CPE: variants seen among roughly 807,000 people sequenced by gnomAD.
CPE encodes the protein carbocypeptidase E.
CPE carries 17 observed loss-of-function variants against 53.5 expected under a neutral mutation model. The observed-to-expected ratio is 0.32, with a 90% CI of 0.22 to 0.48. The LOEUF (loss-of-function observed/expected upper bound fraction) is 0.48, where lower values mean the gene tolerates loss of function less well. Ranked by LOEUF, CPE falls within the 20% of genes least tolerant of loss-of-function variation. CPE has a pLI of 0.99. For missense variants in CPE, 524 were observed against 614.7 expected (o/e 0.85, Z 1.56); for synonymous variants, 226 against 228.8 (o/e 0.99, Z 0.11).
intron 1 of CPE, among the ~76,000 whole-genome samples, chr4:165,393,715 T>C (rs1730719475): frequency 6.6e-6 from 1 of 152,186 alleles, no homozygotes; most frequent in Non-Finnish European, 1.5e-5. Flanking sequence ...TGAACTGAAG[T>C]CTGTGAGGGC....
intron 1 of CPE, among the ~76,000 whole-genome samples, chr4:165,463,477 G>A (rs1732043695): frequency 6.6e-6 from 1 of 152,118 alleles, no homozygotes; most frequent in Admixed American, 6.5e-5. Flanking sequence ...ACAGAGAACT[G>A]AAGTAACTTG....
chr4:165,402,835 C>A (rs533884634), intron 1 of CPE, among the ~76,000 whole-genome samples: 8 of 152,142 alleles, frequency 5.3e-5, no homozygotes, highest in Non-Finnish European at 1.2e-4. Context: ...AAAAGACTTA[C>A]TCTCCCCCGA....
intron 8 of CPE, among the ~76,000 whole-genome samples, chr4:165,496,145 G>A (rs1732702537): frequency 6.6e-6 from 1 of 152,116 alleles, no homozygotes; most frequent in Admixed American, 6.5e-5. Context: ...GATCTCATTT[G>A]TTTGTTAGGA....
At chr4:165,415,312 C>T (rs369175164) in intron 1 of CPE, 3 of 166,960 alleles carry the variant, frequency 1.8e-5, no homozygotes, top group East Asian at 1.9e-4. Flanking sequence ...TGTGTCAGAA[C>T]GGATTTGGAT....
chr4:165,488,768 A>T (rs1425731404), intron 6 of CPE, among the ~76,000 whole-genome samples: 1 of 152,120 alleles, frequency 6.6e-6, no homozygotes, highest in Non-Finnish European at 1.5e-5. Flanking sequence ...AGTTGAATCC[A>T]GTTTCTTTCT....
chr4:165,456,635 C>G (rs1325655219), intron 1 of CPE, among the ~76,000 whole-genome samples: 2 of 150,094 alleles, frequency 1.3e-5, no homozygotes, highest in Non-Finnish European at 3.0e-5. Context: ...GGCGCGATCT[C>G]GGCTCATTGC....
At chr4:165,418,666 T>C (rs909456935) in intron 1 of CPE, among the ~76,000 whole-genome samples, 2 of 152,218 alleles carry the variant, frequency 1.3e-5, no homozygotes, top group Non-Finnish European at 2.9e-5. Flanking sequence ...GTATTAAATC[T>C]GTTCTTTCCA....
At chr4:165,451,554 C>T (rs1460288589) in intron 1 of CPE, among the ~76,000 whole-genome samples, 5 of 151,998 alleles carry the variant, frequency 3.3e-5, no homozygotes, top group Admixed American at 6.6e-5. Flanking sequence ...TGCAGTGGTG[C>T]GATCTCTGTT....
chr4:165,387,781 C>G (rs1730618152), intron 1 of CPE, among the ~76,000 whole-genome samples: 9 of 152,166 alleles, frequency 5.9e-5, no homozygotes, highest in Admixed American at 5.9e-4. Context: ...GCACTCCAGC[C>G]TGGGCGCAGA....
chr4:165,468,316 G>T (rs1481238277), intron 3 of CPE, among the ~76,000 whole-genome samples: 1 of 151,932 alleles, frequency 6.6e-6, no homozygotes, highest in Non-Finnish European at 1.5e-5. Flanking sequence ...GCCATTTTCA[G>T]GGTCTCATCT....
chr4:165,491,575 T>A (rs368368222), intron 6 of CPE, among the ~76,000 whole-genome samples: 1 of 152,300 alleles, frequency 6.6e-6, no homozygotes, highest in African/African-American at 2.4e-5. Flanking sequence ...GGTTGGCTTA[T>A]TAGTTATGGA....
chr4:165,466,602 C>T (rs773508101), intron 2 of CPE, among the ~76,000 whole-genome samples: 2 of 152,072 alleles, frequency 1.3e-5, no homozygotes, highest in African/African-American at 2.4e-5. Context: ...CTGCACACTC[C>T]GACTCCCTGG....
chr4:165,422,274 C>T (rs2126674229), intron 1 of CPE, among the ~76,000 whole-genome samples: 1 of 145,308 alleles, frequency 6.9e-6, no homozygotes, highest in East Asian at 2.1e-4. Context: ...TAGGAAATTA[C>T]TTACTCAATT....
At chr4:165,405,963 C>T in intron 1 of CPE, 1 of 733,574 alleles carries the variant, frequency 1.4e-6, no homozygotes, top group Non-Finnish European at 2.6e-6. Context: ...TCAAGTTTCT[C>T]AAATGTTCTC....
At chr4:165,438,449 T>C (rs1731550332) in intron 1 of CPE, among the ~76,000 whole-genome samples, 2 of 152,150 alleles carry the variant, frequency 1.3e-5, no homozygotes, top group African/African-American at 4.8e-5. Flanking sequence ...TCTATCCTTC[T>C]TTATTTGAGG....
At chr4:165,491,921 T>C (rs908121486) in intron 6 of CPE, among the ~76,000 whole-genome samples, 6 of 152,124 alleles carry the variant, frequency 3.9e-5, no homozygotes, top group African/African-American at 1.4e-4. Flanking sequence ...TATAGCCCGA[T>C]TGAGTGAGGC....
chr4:165,404,813 T>C, intron 1 of CPE: 1 of 769,450 alleles, frequency 1.3e-6, no homozygotes, highest in South Asian at 1.3e-5. Flanking sequence ...GGAAGTCTTC[T>C]TGGTTGTGAT....
At chr4:165,417,474 A>C (rs1481023736) in intron 1 of CPE, among the ~76,000 whole-genome samples, 1 of 150,594 alleles carries the variant, frequency 6.6e-6, no homozygotes, top group Non-Finnish European at 1.5e-5. Context: ...AGACTCAGAG[A>C]GTTTAATTGA....
In CPE at chr4:165,467,866, C is replaced by T. The variant is rs748015585; in HGVS notation, c.672+11C>T. 33 of 1,612,330 alleles carry T rather than the reference C, an allele frequency of 2.0e-5. No individual in the cohort carries two copies. Among genetic ancestry groups the T allele is most frequent in the Admixed American group, 1.3e-4 (8 of 59,884 alleles). ...GATCAAAACACAAAGGTAGTGACCA[C>T]GGGATAGTCTTCTTGGGTTCGTCTC... On this transcript the variant is annotated intron_variant, in intron 3 of 8. Transcript: ENST00000402744.
Sources: gnomAD v4.1 joint callset for allele counts (sites outside exome capture counted in the v4.1 genomes callset) on GRCh38, gnomAD v4.1.1 for gene constraint, MANE v1.5 for transcripts, NCBI Gene and HGNC (gene_info 2026-07-23, HGNC 2026-07-21) for gene names.